Variants in IL1RAPL1 observed in about 807,000 individuals in gnomAD.
IL1RAPL1 encodes the protein interleukin 1 receptor accessory protein like 1, also known as interleukin-1 receptor accessory protein-like 1.
In IL1RAPL1, 3 loss-of-function variants were observed where a neutral mutation model predicts 48.4. The observed-to-expected ratio is 0.06, with a 90% CI of 0.03 to 0.16. The LOEUF (loss-of-function observed/expected upper bound fraction) is 0.16. Ranked by LOEUF, IL1RAPL1 falls within the 10% of genes least tolerant of loss-of-function variation. The pLI, the probability that IL1RAPL1 is intolerant of heterozygous loss-of-function variation, is 1.00. For missense variants in IL1RAPL1, 349 were observed against 530.6 expected, an observed-to-expected ratio of 0.66 and a Z score of 3.36; for synonymous variants, 185 against 187.7, an observed-to-expected ratio of 0.99 and a Z score of 0.12.
chrX:29,387,821 C>T (rs991656558), intron 3 of IL1RAPL1, among the ~76,000 whole-genome samples: 2 of 109,715 alleles, frequency 1.8e-5, no homozygotes, highest in Admixed American at 2.0e-4. Context: ...GGTGAAACCC[C>T]GCCTCTACTA....
intron 2 of IL1RAPL1, among the ~76,000 whole-genome samples, chrX:29,221,620 T>TACACACACACACACACACAC (rs35088625): frequency 3.8e-5 from 3 of 79,563 alleles, no homozygotes; most frequent in African/African-American, 9.1e-5. Flanking sequence ...TACACACACA[T>TACACACACACACACACACAC]ACACACACAC....
At chrX:29,711,257 C>G (rs1173729427) in intron 6 of IL1RAPL1, among the ~76,000 whole-genome samples, 1 of 103,723 alleles carries the variant, frequency 9.6e-6, no homozygotes, top group African/African-American at 3.6e-5. Flanking sequence ...GATCTCAGCT[C>G]ACCATAACTT....
intron 1 of IL1RAPL1, among the ~76,000 whole-genome samples, chrX:28,662,045 C>T (rs188626204): frequency 9.0e-5 from 10 of 110,964 alleles, no homozygotes; most frequent in African/African-American, 2.9e-4. Flanking sequence ...GGGTGGGAGG[C>T]GCCCTCTTCT....
rs1306928641 is a variant in IL1RAPL1 at position 28,672,139 on chromosome X, G to GA, written c.-25+84094dup. Among the ~76,000 whole-genome samples the GA allele has an allele frequency of 3.6e-5, 4 of 111,794 alleles. No homozygotes were observed. In the East Asian group the frequency reaches 1.1e-3, roughly 31 times the overall value. The stretch of plus-strand genomic sequence containing the variant: ...TACACTTTTAAATGTTCATGATACT[G>GA]AATTTATCCCTCAGACCTTATAATT... On this transcript the variant is annotated intron_variant, in intron 1 of 10. Transcript: ENST00000378993.
intron 2 of IL1RAPL1, among the ~76,000 whole-genome samples, chrX:29,046,302 C>T (rs1926970453): frequency 9.0e-6 from 1 of 111,020 alleles, no homozygotes; most frequent in Non-Finnish European, 1.9e-5. Flanking sequence ...AAGCGATCTT[C>T]CTGCATTGGC....
intron 2 of IL1RAPL1, among the ~76,000 whole-genome samples, chrX:29,140,482 A>C (rs1032127621): frequency 8.9e-6 from 1 of 112,101 alleles, no homozygotes; most frequent in Admixed American, 9.5e-5. Context: ...ATATAGATGC[A>C]TCCACTGATG....
At chrX:29,651,103 T>C (rs1229485261) in intron 5 of IL1RAPL1, among the ~76,000 whole-genome samples, 3 of 104,182 alleles carry the variant, frequency 2.9e-5, no homozygotes, top group East Asian at 5.8e-4. Context: ...AGAATGGCTA[T>C]TGTCAAAAAA....
chrX:29,129,588 A>ATTTTTTTTTTTT (rs754196116), intron 2 of IL1RAPL1, among the ~76,000 whole-genome samples: 4 of 59,870 alleles, frequency 6.7e-5, no homozygotes, highest in Non-Finnish European at 1.1e-4. Context: ...AATAATGTAA[A>ATTTTTTTTTTTT]TTTTTTTTTT....
At chrX:28,690,756 T>C (rs750476922) in intron 1 of IL1RAPL1, among the ~76,000 whole-genome samples, 1 of 111,412 alleles carries the variant, frequency 9.0e-6, no homozygotes, top group African/African-American at 3.3e-5. Context: ...CATAATTAAT[T>C]CTTGCAACTT....
At chrX:28,811,982 G>A (rs775273160) in intron 2 of IL1RAPL1, among the ~76,000 whole-genome samples, 1 of 110,862 alleles carries the variant, frequency 9.0e-6, no homozygotes, top group East Asian at 2.8e-4. Context: ...CTCCTTGGAT[G>A]AGTTGTTTAG....
intron 3 of IL1RAPL1, among the ~76,000 whole-genome samples, chrX:29,334,521 G>C (rs1466919736): frequency 5.8e-4 from 60 of 103,944 alleles, no homozygotes; most frequent in African/African-American, 1.2e-3. Flanking sequence ...TTCCCAGACG[G>C]GGTGGCTGCC....
chrX:29,000,768 G>A (rs1049797793), intron 2 of IL1RAPL1, among the ~76,000 whole-genome samples: 1 of 109,983 alleles, frequency 9.1e-6, no homozygotes, highest in Non-Finnish European at 1.9e-5. Context: ...CTTATGAAGA[G>A]CAATTATACA....
chrX:29,393,718 G>GT (rs1458135141), intron 3 of IL1RAPL1, among the ~76,000 whole-genome samples: 7 of 79,257 alleles, frequency 8.8e-5, no homozygotes, highest in Non-Finnish European at 2.1e-4. Context: ...TTCTGTTTTT[G>GT]TTTTTGTTTT....
At chrX:29,557,875 T>G (rs1320674149) in intron 5 of IL1RAPL1, among the ~76,000 whole-genome samples, 1 of 111,473 alleles carries the variant, frequency 9.0e-6, no homozygotes, top group Non-Finnish European at 1.9e-5. Context: ...AAATGCTAAA[T>G]AATATTTTAT....
intron 5 of IL1RAPL1, among the ~76,000 whole-genome samples, chrX:29,562,115 AATCTATCTATCTATCTATCT>A (rs560107095): frequency 6.0e-4 from 36 of 59,985 alleles, no homozygotes; most frequent in East Asian, 1.5e-3. Flanking sequence ...CTATCTATCT[AATCTATCTATCTATCTATCT>A]ATCTATCTAT....
chrX:28,741,026 T>C (rs1384463005), intron 1 of IL1RAPL1, among the ~76,000 whole-genome samples: 1 of 112,081 alleles, frequency 8.9e-6, no homozygotes, highest in East Asian at 2.8e-4. Context: ...GTCGTTTGAT[T>C]GAACAATGTT....
rs1181399252 is a variant in IL1RAPL1 at position 29,956,711 on chromosome X, CA to C, written c.*898del. 1 of 49,790 alleles carries C rather than the reference CA, an allele frequency of 2.0e-5. No individual in the cohort carries two copies. Among genetic ancestry groups the C allele is most frequent in the African/African-American group, 7.1e-5 (1 of 14,029 alleles). The allele number at this position is 49,790 out of a possible 1,213,427, so 4.1% of individuals were successfully genotyped here. A position where few individuals can be genotyped will look rare whatever the true frequency, so the allele number is the denominator to read the frequency against. On this transcript the variant is annotated 3_prime_UTR_variant, in exon 11 of 11. Transcript: ENST00000378993. Reference sequence around the variant, plus strand: ...TATATATAAAAACAACAAAACAAAACAAAAAAAGAAAAAAAAACAAAAAACA... The same window carrying C: ...TATATATAAAAACAACAAAACAAAACAAAAAAGAAAAAAAAACAAAAAACA...
intron 5 of IL1RAPL1, among the ~76,000 whole-genome samples, chrX:29,458,839 C>T (rs770930153): frequency 1.6e-4 from 18 of 110,330 alleles, no homozygotes; most frequent in African/African-American, 5.9e-4. Flanking sequence ...CAGGTGTGAA[C>T]TACCATTCCC....
chrX:29,225,216 TACTC>T (rs1377594283), intron 2 of IL1RAPL1, among the ~76,000 whole-genome samples: 3 of 112,451 alleles, frequency 2.7e-5, no homozygotes, highest in South Asian at 3.6e-4. Context: ...CAATAAGAAA[TACTC>T]AAATAATTGA....
Sources: gnomAD v4.1 joint callset for allele counts (sites outside exome capture counted in the v4.1 genomes callset) on GRCh38, gnomAD v4.1.1 for gene constraint, MANE v1.5 for transcripts, NCBI Gene and HGNC (gene_info 2026-07-23, HGNC 2026-07-21) for gene names.